Variants in TENM3 observed in about 807,000 individuals in gnomAD.
The protein encoded by TENM3 is teneurin transmembrane protein 3.
Under a neutral mutation model 255.1 loss-of-function variants are expected in TENM3, and 63 were observed. The ratio of observed to expected loss-of-function variants is 0.25; its 90% CI spans 0.20 to 0.30. The LOEUF (loss-of-function observed/expected upper bound fraction) is 0.30, where lower values mean the gene tolerates loss of function less well. TENM3 is among the 10% of genes least tolerant of loss of function. The pLI is 1.00. For missense variants in TENM3, 2,929 were observed against 3,461.1 expected, an observed-to-expected ratio of 0.85 and a Z score of 3.86; for synonymous variants, 1,306 against 1,322.3, an observed-to-expected ratio of 0.99 and a Z score of 0.27.
intron 3 of TENM3, among the ~76,000 whole-genome samples, chr4:182,418,651 C>G (rs1003769165): frequency 7.9e-5 from 12 of 152,196 alleles, no homozygotes; most frequent in Admixed American, 7.2e-4. Flanking sequence ...GCCTCGACCT[C>G]CCCGTGCTCA....
chr4:182,313,438 T>G (rs914709238), intron 1 of TENM3, among the ~76,000 whole-genome samples: 1 of 152,012 alleles, frequency 6.6e-6, no homozygotes, highest in African/African-American at 2.4e-5. Context: ...TATATCTTTA[T>G]CAACATGAAA....
At chr4:181,592,994 T>C in the TENM3 span, among the ~76,000 whole-genome samples, 76 of 152,300 alleles carry the variant, frequency 5.0e-4, no homozygotes, top group Non-Finnish European at 9.7e-4. Context: ...CTCCTCCTCA[T>C]ATGACAAAGC....
At position 182,401,578 on chromosome 4, in the gene TENM3, C is replaced by T. The variant is rs73869971; in HGVS notation, c.511+54649C>T. On this transcript the variant is annotated intron_variant, in intron 3 of 27. Transcript: ENST00000511685. The stretch of plus-strand genomic sequence containing the variant: ...TCCAGTCATTTCCACTGAGACCATT[C>T]AACATCTGTTTTATCAAAATGGCTT... 8.3e-3 allele frequency among the ~76,000 whole-genome samples: 1,269 copies of T among 152,240 alleles called. 19 individuals are homozygous for T. The highest frequency in any genetic ancestry group is 0.028 in the African/African-American group (1,157 of 41,562).
At chr4:181,926,540 C>G in the TENM3 span, among the ~76,000 whole-genome samples, 1 of 152,128 alleles carries the variant, frequency 6.6e-6, no homozygotes, top group Non-Finnish European at 1.5e-5. Context: ...ACCATAAAAT[C>G]TCCCTGCTAA....
At chr4:182,421,702 G>A (rs1193229356) in intron 3 of TENM3, among the ~76,000 whole-genome samples, 1 of 152,048 alleles carries the variant, frequency 6.6e-6, no homozygotes, top group South Asian at 2.1e-4. Context: ...TATGTATTAA[G>A]GTTCTTTTAA....
chr4:182,224,474 C>T (rs555254907), intron 1 of TENM3, among the ~76,000 whole-genome samples: 27 of 152,040 alleles, frequency 1.8e-4, no homozygotes, highest in Non-Finnish European at 3.2e-4. Context: ...CTTTCAAAGG[C>T]GAAAACTGTG....
the TENM3 span, chr4:181,523,029 A>G: frequency 3.2e-6 from 2 of 622,696 alleles, no homozygotes; most frequent in Non-Finnish European, 6.3e-6. Flanking sequence ...AGATTGTAGA[A>G]GAAGGGAAAT....
At chr4:181,713,303 C>T in the TENM3 span, among the ~76,000 whole-genome samples, 10 of 152,194 alleles carry the variant, frequency 6.6e-5, no homozygotes, top group Non-Finnish European at 1.3e-4. Context: ...GAGGCATGGA[C>T]TTAGTTAGAC....
chr4:181,503,275 A>T, the TENM3 span, among the ~76,000 whole-genome samples: 2 of 152,196 alleles, frequency 1.3e-5, no homozygotes, highest in Admixed American at 6.5e-5. Context: ...CTGAGGTGGA[A>T]GGATTGCTTG....
chr4:181,647,065 G>C, the TENM3 span, among the ~76,000 whole-genome samples: 1 of 151,910 alleles, frequency 6.6e-6, no homozygotes, highest in South Asian at 2.1e-4. Context: ...CTGTAATGAT[G>C]ACTAAGAAGA....
chr4:182,109,435 A>G, the TENM3 span, among the ~76,000 whole-genome samples: 1 of 151,984 alleles, frequency 6.6e-6, no homozygotes, highest in East Asian at 1.9e-4. Context: ...AATCGTTTTG[A>G]ATACGAACTT....
intron 3 of TENM3, among the ~76,000 whole-genome samples, chr4:182,475,234 G>C (rs1207373126): frequency 3.3e-5 from 5 of 152,142 alleles, no homozygotes; most frequent in African/African-American, 2.4e-5. Flanking sequence ...ACGGAAGACT[G>C]TTAGATGCCT....
the TENM3 span, among the ~76,000 whole-genome samples, chr4:181,884,283 C>A: frequency 2.7e-5 from 4 of 149,824 alleles, no homozygotes; most frequent in Non-Finnish European, 5.9e-5. Context: ...TGAAATTTTT[C>A]TAATTTTAAT....
chr4:182,216,063 G>A (rs17308154), intron 1 of TENM3, among the ~76,000 whole-genome samples: 31,438 of 152,028 alleles, frequency 0.21, 3,564 homozygotes, highest in Non-Finnish European at 0.25. Flanking sequence ...TATTTGTTTC[G>A]TGGTTGATTT....
At chr4:182,038,199 T>C in the TENM3 span, among the ~76,000 whole-genome samples, 2 of 152,242 alleles carry the variant, frequency 1.3e-5, no homozygotes, top group Non-Finnish European at 1.5e-5. Context: ...CTGAGTCCAA[T>C]TTCAAACATC....
intron 22 of TENM3, among the ~76,000 whole-genome samples, chr4:182,765,116 C>T (rs1460219220): frequency 1.4e-5 from 2 of 144,216 alleles, no homozygotes; most frequent in South Asian, 2.4e-4. Context: ...AGTACCATGG[C>T]ACAGTCTAGC....
the TENM3 span, among the ~76,000 whole-genome samples, chr4:181,757,853 A>C: frequency 2.6e-5 from 4 of 152,210 alleles, no homozygotes; most frequent in African/African-American, 9.6e-5. Context: ...TATTTTTTAA[A>C]GGGTAGTAAA....
chr4:181,588,181 C>T, the TENM3 span, among the ~76,000 whole-genome samples: 102 of 152,292 alleles, frequency 6.7e-4, no homozygotes, highest in African/African-American at 2.3e-3. Flanking sequence ...CTCGCAGTCC[C>T]GCAAGAATGC....
the TENM3 span, among the ~76,000 whole-genome samples, chr4:181,654,331 C>G: frequency 6.6e-6 from 1 of 151,840 alleles, no homozygotes; most frequent in Non-Finnish European, 1.5e-5. Flanking sequence ...AGAAAAATGC[C>G]ACAGAGTTTT....
Sources: allele counts gnomAD v4.1 joint callset (sites outside exome capture counted in the v4.1 genomes callset), GRCh38; gene constraint gnomAD v4.1.1; transcripts MANE v1.5; gene names NCBI Gene and HGNC (gene_info 2026-07-23, HGNC 2026-07-21).